CDK11B: variants seen among roughly 807,000 people sequenced by gnomAD.
The protein encoded by CDK11B is cyclin dependent kinase 11B, also known as cyclin-dependent kinase 11B.
A neutral mutation model predicts 84.0 loss-of-function variants in CDK11B; 37 were observed. That is an observed-to-expected ratio of 0.44 (90% CI 0.34 to 0.58). The LOEUF (loss-of-function observed/expected upper bound fraction) is 0.58. Ranked by LOEUF, CDK11B falls within the 20% of genes least tolerant of loss-of-function variation. The probability of loss-of-function intolerance (pLI) is 0.02; values close to 1 mark genes in which losing one functional copy is unlikely to be tolerated. For synonymous variants in CDK11B, 269 were observed against 309.8 expected (o/e 0.87, Z 1.38); for missense variants, 427 against 834.0 (o/e 0.51, Z 6.01).
At chr1:1,650,100 C>A (rs1177599613) in intron 4 of CDK11B, among the ~76,000 whole-genome samples, 1 of 150,948 alleles carries the variant, frequency 6.6e-6, no homozygotes, top group Non-Finnish European at 1.5e-5. Flanking sequence ...GAAACCCCAT[C>A]TCTACTAAAA....
intron 3 of CDK11B, 58 bp from the exon 4 acceptor site, chr1:1,652,624 G>A (rs1358412193): frequency 1.6e-6 from 2 of 1,289,446 alleles, no homozygotes; most frequent in South Asian, 2.5e-5. Context: ...GAAGCATCAG[G>A]CTATTATAAG....
chr1:1,637,381 A>T, intron 14 of CDK11B, 27 bp downstream of exon 14: 1 of 1,608,532 alleles, frequency 6.2e-7, no homozygotes, highest in Non-Finnish European at 8.5e-7. Flanking sequence ...ACTTGTACGC[A>T]GACAGGCCCC....
At chr1:1,650,531 A>C (rs1393120493) in intron 4 of CDK11B, among the ~76,000 whole-genome samples, 1 of 150,264 alleles carries the variant, frequency 6.7e-6, no homozygotes, top group African/African-American at 2.4e-5. Context: ...ACGCCCGGCT[A>C]ATTTTTTGTC....
chr1:1,655,792 G>A (rs1162886489), intron 2 of CDK11B, among the ~76,000 whole-genome samples: 12 of 151,926 alleles, frequency 7.9e-5, no homozygotes, highest in East Asian at 1.9e-4. Context: ...CGTAGTGACC[G>A]GAACTGCTTG....
intron 5 of CDK11B, chr1:1,646,551 T>A (rs1412494150): frequency 1.9e-6 from 1 of 518,660 alleles, no homozygotes; most frequent in African/African-American, 1.9e-5. Flanking sequence ...AAACCTAAGA[T>A]GTGAGGAGAG....
At chr1:1,658,271 G>A (rs1485775956) in intron 1 of CDK11B, among the ~76,000 whole-genome samples, 3 of 149,662 alleles carry the variant, frequency 2.0e-5, no homozygotes, top group Non-Finnish European at 2.9e-5. Context: ...TTGAGCCCAG[G>A]AGTTCCAGGC....
intron 3 of CDK11B, among the ~76,000 whole-genome samples, chr1:1,653,233 C>G (rs1642243386): frequency 6.6e-6 from 1 of 151,838 alleles, no homozygotes; most frequent in Admixed American, 6.6e-5. Flanking sequence ...CCATATTGGT[C>G]AGGCTGGTCT....
At chr1:1,644,740 G>A (rs1308360516) in intron 6 of CDK11B, among the ~76,000 whole-genome samples, 8 of 152,178 alleles carry the variant, frequency 5.3e-5, no homozygotes, top group Non-Finnish European at 8.8e-5. Context: ...GCCTGTAATC[G>A]CAGCACTTTG....
chr1:1,654,200 A>T (rs1292570773), intron 3 of CDK11B: 1 of 455,752 alleles, frequency 2.2e-6, no homozygotes, highest in Non-Finnish European at 4.4e-6. Flanking sequence ...TACGAGCTAG[A>T]TATGAGAAGA....
chr1:1,654,594 T>C (rs1350915580), intron 3 of CDK11B, among the ~76,000 whole-genome samples: 1 of 151,316 alleles, frequency 6.6e-6, no homozygotes, highest in Non-Finnish European at 1.5e-5. Context: ...ATATGAACAT[T>C]TCTCATCAGC....
chr1:1,654,643 G>A (rs1244874778), intron 3 of CDK11B, among the ~76,000 whole-genome samples: 1 of 148,492 alleles, frequency 6.7e-6, no homozygotes, highest in African/African-American at 2.5e-5. Flanking sequence ...TACTTTATTT[G>A]TGCAAAATCT....
At chr1:1,647,815 C>A (rs1368206925) in intron 5 of CDK11B, among the ~76,000 whole-genome samples, 3 of 152,200 alleles carry the variant, frequency 2.0e-5, no homozygotes, top group African/African-American at 7.2e-5. Flanking sequence ...TGCTGGTGGG[C>A]AAGGCCACTG....
At chr1:1,640,681 G>T (rs1247649298) in intron 10 of CDK11B, among the ~76,000 whole-genome samples, 1 of 152,162 alleles carries the variant, frequency 6.6e-6, no homozygotes, top group Non-Finnish European at 1.5e-5. Context: ...GGTGTCATGT[G>T]GGGGACAAGC....
chr1:1,653,865 C>T (rs1396091550), intron 3 of CDK11B, among the ~76,000 whole-genome samples: 2 of 148,770 alleles, frequency 1.3e-5, no homozygotes, highest in Admixed American at 6.6e-5. Context: ...CACACACACC[C>T]GAGCGTGGTG....
At chr1:1,654,303 G>A (rs894865814) in intron 3 of CDK11B, 1 of 384,188 alleles carries the variant, frequency 2.6e-6, no homozygotes, top group African/African-American at 2.1e-5. Context: ...ACAGGGTCTT[G>A]CTCTGTTACC....
chr1:1,650,435 G>T (rs1410843973), intron 4 of CDK11B, among the ~76,000 whole-genome samples: 5 of 138,884 alleles, frequency 3.6e-5, no homozygotes, highest in African/African-American at 1.4e-4. Context: ...GCGCAATCTC[G>T]GCTCACTGCA....
chr1:1,653,863 C>CACACAA lies in CDK11B; in HGVS notation c.228-1298_228-1297insTTGTGT, dbSNP rs761317190. 6.4e-3 allele frequency among the ~76,000 whole-genome samples: 849 copies of CACACAA among 132,916 alleles called. 13 individuals are homozygous for CACACAA. The highest frequency in any genetic ancestry group is 0.023 in the East Asian group (110 of 4,780). The allele number at this position is 132,916 out of a possible 152,430, so 87.2% of individuals were successfully genotyped here. A position where few individuals can be genotyped will look rare whatever the true frequency, so the allele number is the denominator to read the frequency against. On this transcript the variant is annotated intron_variant, in intron 3 of 19. Coordinates refer to ENST00000341832, the MANE Select transcript of CDK11B (RefSeq NM_033486.3). ...ACACACACACACACACACACACACA[C>CACACAA]CCGAGCGTGGTGGCGCATGCCTGTA...
chr1:1,647,187 C>A (rs553190095), intron 5 of CDK11B, among the ~76,000 whole-genome samples: 330 of 151,354 alleles, frequency 2.2e-3, no homozygotes, highest in African/African-American at 7.8e-3. Context: ...TGGATAATTT[C>A]TACTGCTCCA....
At chr1:1,636,608 C>A in intron 17 of CDK11B, 74 bp downstream of exon 17, 1 of 1,600,456 alleles carries the variant, frequency 6.2e-7, no homozygotes, top group South Asian at 1.1e-5. Context: ...AACCCAGCAC[C>A]TGTGCGCCCC....
Sources: gnomAD v4.1 joint callset for allele counts (sites outside exome capture counted in the v4.1 genomes callset) on GRCh38, gnomAD v4.1.1 for gene constraint, MANE v1.5 for transcripts, NCBI Gene and HGNC (gene_info 2026-07-23, HGNC 2026-07-21) for gene names.